The following ARHGEF37 variants were observed in gnomAD, a reference collection of about 807,000 sequenced individuals.
ARHGEF37 encodes the protein Rho guanine nucleotide exchange factor 37, also known as Rho guanine nucleotide exchange factor (GEF) 37.
ARHGEF37 carries 55 observed loss-of-function variants against 71.1 expected under a neutral mutation model. The observed-to-expected ratio is 0.77, with a 90% CI of 0.62 to 0.97. The LOEUF (loss-of-function observed/expected upper bound fraction) is 0.97, where lower values mean the gene tolerates loss of function less well. Ranked by LOEUF, ARHGEF37 falls within the 50% of genes least tolerant of loss-of-function variation. The pLI is 0.00. For missense variants in ARHGEF37, 765 were observed against 836.8 expected, an observed-to-expected ratio of 0.91 and a Z score of 1.06; for synonymous variants, 327 against 350.6, an observed-to-expected ratio of 0.93 and a Z score of 0.75.
Position 149,581,639 on chromosome 5 carries a change from C to G in ARHGEF37, c.-12+15C>G, listed in dbSNP as rs1763109687. The G allele has an allele frequency of 6.6e-6, 1 of 152,110 alleles. No homozygotes were observed. The allele number at this position is 152,110 out of a possible 1,614,324, so 9.4% of individuals were successfully genotyped here. A position where few individuals can be genotyped will look rare whatever the true frequency, so the allele number is the denominator to read the frequency against. ...TGCGCGCGCGGGTGAGTCCGCTGGG[C>G]GTTTGGGGCCTGGTCAAGCAGGATG... On this transcript the variant is annotated intron_variant, in intron 1 of 12. Transcript: ENST00000333677.
chr5:149,600,209 A>G (rs1163759877), intron 2 of ARHGEF37, among the ~76,000 whole-genome samples: 3 of 152,238 alleles, frequency 2.0e-5, no homozygotes, highest in Non-Finnish European at 4.4e-5. Context: ...TTATAATCCT[A>G]TGAGATCACC....
Position 149,621,637 on chromosome 5 carries a change from C to T in ARHGEF37, c.1006-96C>T, listed in dbSNP as rs543954314. The T allele has an allele frequency of 5.1e-6, 6 of 1,180,282 alleles. No homozygotes were observed. In the South Asian group the frequency reaches 5.9e-5, roughly 12 times the overall value. 73.1% of individuals were successfully genotyped at this position (1,180,282 alleles called of 1,614,324 possible). A position where few individuals can be genotyped will look rare whatever the true frequency, so the allele number is the denominator to read the frequency against. On this transcript the variant is annotated intron_variant, in intron 8 of 12. Coordinates refer to ENST00000333677, the MANE Select transcript of ARHGEF37 (RefSeq NM_001001669.3). ...TCCCAGCTAGTCAGTGGGAGTTAGA[C>T]TGGAATCCAGGCCTGCATGCTTCCA... is the stretch of plus-strand genomic sequence containing the variant.
In ARHGEF37 at chr5:149,633,320, C is replaced by T. The variant is rs1752942922; in HGVS notation, c.*1129C>T. The T allele has an allele frequency of 6.6e-6, 1 of 152,418 alleles. No homozygotes were observed. Among genetic ancestry groups the T allele is most frequent in the African/African-American group, 2.4e-5 (1 of 41,478 alleles). The allele number at this position is 152,418 out of a possible 1,614,324, so 9.4% of individuals were successfully genotyped here. A position where few individuals can be genotyped will look rare whatever the true frequency, so the allele number is the denominator to read the frequency against. ...TGGCCCCCGGCATGCTGCCCTCCCC[C>T]ACGCCCATGCCTGTGGCAGCAAACC... On this transcript the variant is annotated 3_prime_UTR_variant, in exon 13 of 13. Coordinates refer to ENST00000333677, the MANE Select transcript of ARHGEF37 (RefSeq NM_001001669.3).
At chr5:149,562,169 A>G (rs1053214646) in intron 1 of ARHGEF37, among the ~76,000 whole-genome samples, 1 of 151,802 alleles carries the variant, frequency 6.6e-6, no homozygotes. Flanking sequence ...CTGCAAAAAG[A>G]CTTTCTGCAG....
chr5:149,619,074 G>A (rs1039406603), intron 7 of ARHGEF37, 32 bp downstream of exon 7: 2 of 1,590,252 alleles, frequency 1.3e-6, no homozygotes, highest in Non-Finnish European at 1.7e-6. Context: ...TAAAGGGCGA[G>A]TCTGGGCTGG....
At chr5:149,629,070 G>T (rs922231383) in intron 12 of ARHGEF37, 104 bp downstream of exon 12, 6 of 1,392,970 alleles carry the variant, frequency 4.3e-6, no homozygotes, top group East Asian at 2.6e-5. Context: ...GTCTGGTGGG[G>T]CTGCCACTCT....
intron 1 of ARHGEF37, among the ~76,000 whole-genome samples, chr5:149,592,880 C>G (rs183803094): frequency 6.6e-6 from 1 of 152,322 alleles, no homozygotes; most frequent in South Asian, 2.1e-4. Flanking sequence ...AGCAATTCTC[C>G]TGTCTCAGCC....
rs144275373 is a variant in ARHGEF37, at chr5:149,594,964, A to G, written c.-11-2795A>G. Among the ~76,000 whole-genome samples the G allele has an allele frequency of 2.0e-4, 30 of 152,344 alleles. No homozygotes were observed. In the East Asian group the frequency reaches 4.2e-3, roughly 22 times the overall value. The stretch of plus-strand genomic sequence containing the variant: ...GAATTATGCTGATTGAATAAAGCCA[A>G]TCCTAAAAGATTACATACTGTGTGA... On this transcript the variant is annotated intron_variant, in intron 1 of 12. Coordinates refer to ENST00000333677, the MANE Select transcript of ARHGEF37 (RefSeq NM_001001669.3).
chr5:149,553,068 A>G lies in ARHGEF37; in HGVS notation c.-12+945A>G, dbSNP rs114405232. On this transcript the variant is annotated intron_variant, in intron 1 of 2. Transcript: ENST00000505810. ...CATTCTCCTTTGGTGACTCTAAAGC[A>G]TGTTTTGACTAAGTTAAAATCTGCT... Among the ~76,000 whole-genome samples the G allele has an allele frequency of 5.5e-3, 839 of 152,228 alleles. 6 individuals carry two copies. Among genetic ancestry groups the G allele is most frequent in the Middle Eastern group, 0.02 (6 of 294 alleles).
chr5:149,623,904 G>A, intron 9 of ARHGEF37, 108 bp from the exon 10 acceptor site: 2 of 1,430,712 alleles, frequency 1.4e-6, no homozygotes, highest in Middle Eastern at 1.9e-4. Context: ...TCAGGACAGA[G>A]TATCACTCAG....
chr5:149,610,482 T>C (rs1275259634), intron 4 of ARHGEF37, among the ~76,000 whole-genome samples: 1 of 152,150 alleles, frequency 6.6e-6, no homozygotes, highest in Non-Finnish European at 1.5e-5. Flanking sequence ...CATCAAAATT[T>C]TTACAGTAAA....
At chr5:149,618,081 A>G in intron 5 of ARHGEF37, 95 bp from the exon 6 acceptor site, 1 of 1,519,246 alleles carries the variant, frequency 6.6e-7, no homozygotes, top group Non-Finnish European at 9.0e-7. Flanking sequence ...GATGGAGCAG[A>G]GGGCCCAAGC....
At chr5:149,596,683 T>G (rs1763557090) in intron 1 of ARHGEF37, among the ~76,000 whole-genome samples, 1 of 151,294 alleles carries the variant, frequency 6.6e-6, no homozygotes, top group Admixed American at 6.6e-5. Context: ...GAGTGAGAAA[T>G]GAGGGGAGGA....
intron 1 of ARHGEF37, among the ~76,000 whole-genome samples, chr5:149,561,673 C>T (rs74821431): frequency 0.033 from 5,076 of 152,192 alleles, 306 homozygotes; most frequent in African/African-American, 0.11. Flanking sequence ...CCTGTGTTTC[C>T]TATCCCACTC....
In ARHGEF37 at chr5:149,559,004, G is replaced by A. The variant is rs544641773; in HGVS notation, c.-12+6881G>A. 2.6e-5 allele frequency among the ~76,000 whole-genome samples: 4 copies of A among 152,112 alleles called. No homozygotes were observed. In the South Asian group the frequency reaches 8.3e-4, roughly 32 times the overall value. ...ACCTTGTCCCAAAAAATATAAGTAC[G>A]TATTTTATTTTTCATTTCTTAAAAT... is the stretch of plus-strand genomic sequence containing the variant. On this transcript the variant is annotated intron_variant, in intron 1 of 2. Coordinates refer to the ARHGEF37 transcript ENST00000505810.
chr5:149,612,413 C>T (rs149958665), intron 4 of ARHGEF37, among the ~76,000 whole-genome samples: 1 of 152,166 alleles, frequency 6.6e-6, no homozygotes, highest in East Asian at 1.9e-4. Context: ...GTGATCCGCC[C>T]ACCTCGGCCT....
chr5:149,552,947 A>G (rs1442476389), intron 1 of ARHGEF37, among the ~76,000 whole-genome samples: 1 of 152,322 alleles, frequency 6.6e-6, no homozygotes, highest in African/African-American at 2.4e-5. Context: ...AACTGAAGAG[A>G]GAGGGGAGGA....
upstream of ARHGEF37, among the ~76,000 whole-genome samples, chr5:149,577,524 A>G (rs1763040678): frequency 6.6e-6 from 1 of 152,230 alleles, no homozygotes; most frequent in South Asian, 2.1e-4. Flanking sequence ...GATTCTAATG[A>G]TTAAAAAAAA....
chr5:149,612,424 C>T lies in ARHGEF37; in HGVS notation c.458+2729C>T, dbSNP rs6879304. 5.9e-3 allele frequency among the ~76,000 whole-genome samples: 904 copies of T among 152,312 alleles called. 5 individuals carry two copies. Among genetic ancestry groups the T allele is most frequent in the African/African-American group, 0.021 (860 of 41,566 alleles). On this transcript the variant is annotated intron_variant, in intron 4 of 12. Transcript: ENST00000333677. ...CCTCGTGATCCGCCCACCTCGGCCT[C>T]CCAGAGTGCTGGGATTACAGGCGTG...
Sources: allele counts gnomAD v4.1 joint callset (sites outside exome capture counted in the v4.1 genomes callset), GRCh38; gene constraint gnomAD v4.1.1; transcripts MANE v1.5; gene names NCBI Gene and HGNC (gene_info 2026-07-23, HGNC 2026-07-21).